The following TCF7L2 variants were observed in gnomAD, a reference collection of about 807,000 sequenced individuals.
The protein encoded by TCF7L2 is transcription factor 7-like 2.
Under a neutral mutation model 77.9 loss-of-function variants are expected in TCF7L2, and 23 were observed. That is an observed-to-expected ratio of 0.30 (90% confidence interval 0.21 to 0.42). The LOEUF is 0.42. Ranked by LOEUF, TCF7L2 falls within the 10% of genes least tolerant of loss-of-function variation. TCF7L2 has a pLI of 1.00. For synonymous variants in TCF7L2, 413 were observed against 340.2 expected, an observed-to-expected ratio of 1.21 and a Z score of -2.36; for missense variants, 654 against 793.1, an observed-to-expected ratio of 0.82 and a Z score of 2.11.
chr10:112,999,740 G>A (rs938262723), intron 4 of TCF7L2, among the ~76,000 whole-genome samples: 6 of 152,090 alleles, frequency 3.9e-5, no homozygotes, highest in Admixed American at 6.6e-5. Flanking sequence ...TATAAACCTC[G>A]GGAACAGTGG....
intron 4 of TCF7L2, among the ~76,000 whole-genome samples, chr10:113,009,187 G>T (rs2046056329): frequency 6.6e-6 from 1 of 152,122 alleles, no homozygotes; most frequent in Non-Finnish European, 1.5e-5. Flanking sequence ...TTCATCTGGG[G>T]TCCAAGGGGC....
chr10:112,995,955 T>C (rs2043392787), intron 4 of TCF7L2, among the ~76,000 whole-genome samples: 1 of 152,230 alleles, frequency 6.6e-6, no homozygotes, highest in African/African-American at 2.4e-5. Flanking sequence ...ACTGTAGGGA[T>C]ATAGCTGTGA....
chr10:113,160,123 C>A, intron 12 of TCF7L2, 131 bp downstream of exon 14: 1 of 769,992 alleles, frequency 1.3e-6, no homozygotes, highest in Non-Finnish European at 2.1e-6. Flanking sequence ...GGGACACTGC[C>A]AAGTGTATGG....
chr10:113,004,392 ATTCACCAGTCC>A (rs2045116219), intron 4 of TCF7L2, among the ~76,000 whole-genome samples: 1 of 152,214 alleles, frequency 6.6e-6, no homozygotes, highest in Non-Finnish European at 1.5e-5. Flanking sequence ...TTAACTGTTC[ATTCACCAGTCC>A]TTCCCCTGGA....
At chr10:113,007,046 G>A (rs1292874154) in intron 4 of TCF7L2, among the ~76,000 whole-genome samples, 1 of 152,220 alleles carries the variant, frequency 6.6e-6, no homozygotes, top group Non-Finnish European at 1.5e-5. Context: ...TTTCCCTTCA[G>A]CATTGGCATC....
intron 5 of TCF7L2, among the ~76,000 whole-genome samples, chr10:113,082,867 C>A (rs985850213): frequency 6.6e-6 from 1 of 151,960 alleles, no homozygotes; most frequent in African/African-American, 2.4e-5. Flanking sequence ...CTGTGTCAAG[C>A]TGAGCCCCAG....
At chr10:112,980,732 G>A (rs1318932306) in intron 4 of TCF7L2, among the ~76,000 whole-genome samples, 8 of 151,644 alleles carry the variant, frequency 5.3e-5, no homozygotes, top group African/African-American at 1.7e-4. Flanking sequence ...GGTTCATGCC[G>A]TTCTCCTACC....
intron 13 of TCF7L2, chr10:113,161,441 C>T: frequency 1.1e-6 from 1 of 888,166 alleles, no homozygotes; most frequent in South Asian, 1.5e-5. Flanking sequence ...CTGCAGGTCT[C>T]CATCCAGCCT....
At chr10:113,070,166 G>C (rs2057774766) in intron 5 of TCF7L2, among the ~76,000 whole-genome samples, 1 of 151,436 alleles carries the variant, frequency 6.6e-6, no homozygotes, top group Non-Finnish European at 1.5e-5. Context: ...TGAGGCAGGA[G>C]AATCCCTTGA....
chr10:112,964,723 G>A (rs1044585079), intron 4 of TCF7L2, 99 bp downstream of exon 4: 1 of 891,496 alleles, frequency 1.1e-6, no homozygotes, highest in Non-Finnish European at 1.7e-6. Context: ...TAATGATGAT[G>A]ATGATGATGA....
intron 8 of TCF7L2, among the ~76,000 whole-genome samples, chr10:113,146,687 G>A (rs909649077): frequency 6.7e-6 from 1 of 150,234 alleles, no homozygotes; most frequent in Admixed American, 6.6e-5. Context: ...ATGCAATATA[G>A]CCAAAATATT....
At chr10:112,999,430 T>C (rs1208563387) in intron 4 of TCF7L2, among the ~76,000 whole-genome samples, 2 of 152,226 alleles carry the variant, frequency 1.3e-5, no homozygotes, top group African/African-American at 4.8e-5. Flanking sequence ...TCTTATTATA[T>C]AATAGTATCT....
At chr10:113,140,735 C>T (rs1329671196) in intron 5 of TCF7L2, among the ~76,000 whole-genome samples, 1 of 152,144 alleles carries the variant, frequency 6.6e-6, no homozygotes, top group African/African-American at 2.4e-5. Context: ...GATTTGGGCC[C>T]TGCCAGTTTC....
At chr10:113,031,903 A>T (rs2134088004) in intron 4 of TCF7L2, among the ~76,000 whole-genome samples, 1 of 152,308 alleles carries the variant, frequency 6.6e-6, no homozygotes, top group African/African-American at 2.4e-5. Context: ...GCTGACACAG[A>T]GCATCTGTTT....
chr10:113,151,063 T>C lies in TCF7L2; in HGVS notation c.941T>C (p.Ile314Thr). Residue 314 changes from isoleucine to threonine, a missense_variant, in exon 9 of 14, where the codon ATA becomes ACA. By Grantham distance (89) the Ile-to-Thr change is moderately conservative. Transcript: ENST00000627217. The surrounding 1 kb of genome is among the most constrained non-coding windows in gnomAD (Gnocchi z 5.2). The stretch of plus-strand genomic sequence containing the variant: ...ACGACGGGCATTCCGCATCCGGCCA[T>C]AGTCACACCAACAGTCAAACAGGAA... 6.2e-7 allele frequency: 1 copy of C among 1,614,214 alleles called. No individual in the cohort carries two copies. Among genetic ancestry groups the C allele is most frequent in the Non-Finnish European group, 8.5e-7 (1 of 1,180,026 alleles).
At chr10:113,051,575 C>CA (rs2054488983) in intron 5 of TCF7L2, among the ~76,000 whole-genome samples, 1 of 152,320 alleles carries the variant, frequency 6.6e-6, no homozygotes, top group Admixed American at 6.5e-5. Flanking sequence ...GCAGAGCACG[C>CA]ATGCTTTCTT....
intron 13 of TCF7L2, chr10:113,160,771 C>T (rs774780697): frequency 6.3e-5 from 84 of 1,328,234 alleles, no homozygotes; most frequent in Non-Finnish European, 8.1e-5. Flanking sequence ...TTTATTTTGA[C>T]CTCGTTCCCC....
chr10:113,076,439 A>C (rs1397044498), intron 5 of TCF7L2, among the ~76,000 whole-genome samples: 1 of 152,108 alleles, frequency 6.6e-6, no homozygotes, highest in East Asian at 1.9e-4. Context: ...CACCTGAACT[A>C]GTCTTTTTGT....
At chr10:113,112,383 C>G (rs185244864) in intron 5 of TCF7L2, among the ~76,000 whole-genome samples, 1 of 152,208 alleles carries the variant, frequency 6.6e-6, no homozygotes, top group Non-Finnish European at 1.5e-5. Flanking sequence ...CACTTCTCTT[C>G]CCTGGCATGC....
Sources: allele counts gnomAD v4.1 joint callset (sites outside exome capture counted in the v4.1 genomes callset), GRCh38; gene constraint gnomAD v4.1.1; non-coding constraint Gnocchi (gnomAD v3.1); transcripts MANE v1.5; gene names NCBI Gene and HGNC (gene_info 2026-07-23, HGNC 2026-07-21).